Variants in IQCM observed in about 807,000 individuals in gnomAD.
The protein encoded by IQCM is IQ motif containing M, also known as IQ domain-containing protein M.
In IQCM, 45 loss-of-function variants were observed where a neutral mutation model predicts 57.6. The observed-to-expected ratio is 0.78, with a 90% CI of 0.62 to 1.00. The LOEUF is 1.00. IQCM is among the 50% of genes least tolerant of loss of function. The pLI is 0.00. For missense variants in IQCM, 468 were observed against 511.6 expected, an observed-to-expected ratio of 0.91 and a Z score of 0.82; for synonymous variants, 148 against 158.9, an observed-to-expected ratio of 0.93 and a Z score of 0.51.
chr4:149,739,989 T>C (rs1767305393), intron 3 of IQCM, among the ~76,000 whole-genome samples: 1 of 152,192 alleles, frequency 6.6e-6, no homozygotes, highest in Admixed American at 6.5e-5. Flanking sequence ...ATGGAAACTA[T>C]GACAGAGAAT....
chr4:149,774,275 G>C (rs1255314969), intron 2 of IQCM, among the ~76,000 whole-genome samples: 2 of 152,080 alleles, frequency 1.3e-5, no homozygotes, highest in Non-Finnish European at 2.9e-5. Flanking sequence ...GTAGTATTAA[G>C]TATATACACG....
intron 13 of IQCM, among the ~76,000 whole-genome samples, chr4:149,392,448 T>C (rs889388513): frequency 6.6e-5 from 10 of 152,058 alleles, no homozygotes; most frequent in African/African-American, 2.2e-4. Flanking sequence ...GCAACCTCAG[T>C]AGAAGAATGG....
At chr4:149,700,608 T>C (rs1241802637) in intron 5 of IQCM, among the ~76,000 whole-genome samples, 10 of 151,972 alleles carry the variant, frequency 6.6e-5, no homozygotes, top group Non-Finnish European at 5.9e-5. Context: ...AAACATTTAT[T>C]CTCTCAGGAA....
chr4:149,352,277 T>C (rs946850365), intron 13 of IQCM, among the ~76,000 whole-genome samples: 3 of 152,118 alleles, frequency 2.0e-5, no homozygotes, highest in African/African-American at 7.2e-5. Context: ...GACCAAAGCA[T>C]TGAGGGAAGG....
At chr4:149,626,464 T>C (rs919688706) in intron 7 of IQCM, among the ~76,000 whole-genome samples, 1 of 146,602 alleles carries the variant, frequency 6.8e-6, no homozygotes, top group African/African-American at 2.5e-5. Context: ...AGTTTGTAGA[T>C]AGCAAATACT....
intron 2 of IQCM, among the ~76,000 whole-genome samples, chr4:149,789,797 G>C (rs1454033731): frequency 6.6e-6 from 1 of 152,056 alleles, no homozygotes; most frequent in Non-Finnish European, 1.5e-5. Flanking sequence ...AGATACTCAG[G>C]AGGCTAAGGA....
intron 2 of IQCM, among the ~76,000 whole-genome samples, chr4:149,780,531 T>TTATATATATATATATATATA (rs371081838): frequency 8.0e-5 from 11 of 138,164 alleles, no homozygotes; most frequent in African/African-American, 2.0e-4. Flanking sequence ...AATATGTAAG[T>TTATATATATATATATATATA]TATATATATA....
chr4:149,511,398 C>T (rs533712084), intron 12 of IQCM, among the ~76,000 whole-genome samples: 2 of 151,618 alleles, frequency 1.3e-5, no homozygotes, highest in East Asian at 3.9e-4. Flanking sequence ...CATGGTGGTA[C>T]ATGTCTGTAA....
chr4:149,362,504 A>T (rs2110926480), intron 13 of IQCM, among the ~76,000 whole-genome samples: 1 of 152,208 alleles, frequency 6.6e-6, no homozygotes, highest in Non-Finnish European at 1.5e-5. Flanking sequence ...TATTCTCATG[A>T]TAGTAAATAA....
chr4:149,412,553 T>C (rs1733464794), intron 13 of IQCM, among the ~76,000 whole-genome samples: 1 of 152,134 alleles, frequency 6.6e-6, no homozygotes, highest in South Asian at 2.1e-4. Flanking sequence ...TTCAAAACTA[T>C]TTACTGAGCA....
intron 7 of IQCM, among the ~76,000 whole-genome samples, chr4:149,659,767 T>C (rs1035126007): frequency 4.6e-5 from 7 of 152,072 alleles, no homozygotes; most frequent in East Asian, 3.9e-4. Flanking sequence ...CTGGGAAAAC[T>C]GGCTAGCCAT....
At chr4:149,439,612 CAT>C (rs1253853981) in intron 12 of IQCM, among the ~76,000 whole-genome samples, 1 of 151,890 alleles carries the variant, frequency 6.6e-6, no homozygotes, top group African/African-American at 2.4e-5. Context: ...ATAATACAAA[CAT>C]TATCTCAAAT....
intron 13 of IQCM, among the ~76,000 whole-genome samples, chr4:149,374,112 G>A (rs1365002593): frequency 2.0e-5 from 3 of 152,140 alleles, no homozygotes; most frequent in Non-Finnish European, 2.9e-5. Context: ...CCTGGGGTAT[G>A]TTCTTGAATT....
intron 9 of IQCM, among the ~76,000 whole-genome samples, chr4:149,581,934 G>A (rs1752219983): frequency 6.6e-6 from 1 of 151,560 alleles, no homozygotes; most frequent in African/African-American, 2.4e-5. Flanking sequence ...TGAGGAGAAG[G>A]GGAGGGGCAA....
intron 7 of IQCM, among the ~76,000 whole-genome samples, chr4:149,668,470 A>C (rs940730516): frequency 1.3e-5 from 2 of 152,090 alleles, no homozygotes; most frequent in African/African-American, 4.8e-5. Context: ...CACTGCAAAC[A>C]CATACCACAA....
At chr4:149,381,604 T>C (rs1731080643) in intron 13 of IQCM, among the ~76,000 whole-genome samples, 1 of 152,106 alleles carries the variant, frequency 6.6e-6, no homozygotes, top group Non-Finnish European at 1.5e-5. Flanking sequence ...ATTACTAACC[T>C]TCAGGTCTTT....
chr4:149,480,474 T>C (rs1007202678), intron 12 of IQCM, among the ~76,000 whole-genome samples: 1 of 152,066 alleles, frequency 6.6e-6, no homozygotes, highest in Non-Finnish European at 1.5e-5. Context: ...AGTTCAACTG[T>C]TTTGATTTTT....
At chr4:149,497,265 T>C (rs1412099853) in intron 12 of IQCM, among the ~76,000 whole-genome samples, 1 of 152,006 alleles carries the variant, frequency 6.6e-6, no homozygotes, top group Non-Finnish European at 1.5e-5. Context: ...TCAGGACAAA[T>C]AATAGAAAAG....
chr4:149,583,606 T>C (rs1014503323), intron 9 of IQCM, among the ~76,000 whole-genome samples: 10 of 151,660 alleles, frequency 6.6e-5, no homozygotes, highest in African/African-American at 2.4e-4. Context: ...GAGTGTTTTA[T>C]TCATGGAATG....
Sources: gnomAD v4.1 joint callset for allele counts (sites outside exome capture counted in the v4.1 genomes callset) on GRCh38, gnomAD v4.1.1 for gene constraint, MANE v1.5 for transcripts, NCBI Gene and HGNC (gene_info 2026-07-23, HGNC 2026-07-21) for gene names.